Variants in LRRTM4 observed in about 807,000 individuals in gnomAD.
The protein encoded by LRRTM4 is leucine-rich repeat transmembrane neuronal protein 4.
A neutral mutation model predicts 47.6 loss-of-function variants in LRRTM4; 25 were observed. The observed-to-expected ratio is 0.53, with a 90% CI of 0.38 to 0.73. The LOEUF (loss-of-function observed/expected upper bound fraction) is 0.73. LRRTM4 is among the 30% of genes least tolerant of loss of function. The pLI, the probability that LRRTM4 is intolerant of heterozygous loss-of-function variation, is 0.00. For synonymous variants in LRRTM4, 311 were observed against 269.5 expected (o/e 1.15, Z -1.51); for missense variants, 638 against 713.4 (o/e 0.89, Z 1.20).
chr2:77,411,765 C>T (rs568282202), intron 3 of LRRTM4, among the ~76,000 whole-genome samples: 7 of 151,728 alleles, frequency 4.6e-5, no homozygotes, highest in African/African-American at 9.7e-5. Context: ...CCACCGCGCC[C>T]GGCCCCCAGG....
chr2:76,923,840 A>C (rs1674506966), intron 3 of LRRTM4, among the ~76,000 whole-genome samples: 1 of 152,082 alleles, frequency 6.6e-6, no homozygotes, highest in Non-Finnish European at 1.5e-5. Context: ...GTAAAACTTG[A>C]ATTAAGTATA....
At chr2:77,113,116 C>G (rs12997735) in intron 3 of LRRTM4, among the ~76,000 whole-genome samples, 61,167 of 151,822 alleles carry the variant, frequency 0.4, 13,566 homozygotes, top group Middle Eastern at 0.51. Context: ...GCATCAAAGC[C>G]TAATTGGGCA....
At chr2:77,367,057 G>A (rs75918839) in intron 3 of LRRTM4, among the ~76,000 whole-genome samples, 1 of 151,386 alleles carries the variant, frequency 6.6e-6, no homozygotes, top group African/African-American at 2.4e-5. Context: ...ATGCATACTG[G>A]CTATTTGTCA....
chr2:76,762,857 T>G (rs1573062586), intron 3 of LRRTM4, among the ~76,000 whole-genome samples: 1 of 152,170 alleles, frequency 6.6e-6, no homozygotes, highest in Admixed American at 6.5e-5. Flanking sequence ...AAAAACAGTG[T>G]TTATGTCATG....
chr2:77,442,097 T>A (rs952016510), intron 3 of LRRTM4, among the ~76,000 whole-genome samples: 2 of 152,112 alleles, frequency 1.3e-5, no homozygotes, highest in Non-Finnish European at 2.9e-5. Context: ...CAGCAGAATG[T>A]GGAAAGACAT....
chr2:77,086,409 A>AGT (rs111490311), intron 3 of LRRTM4, among the ~76,000 whole-genome samples: 18 of 150,716 alleles, frequency 1.2e-4, no homozygotes, highest in African/African-American at 3.7e-4. Flanking sequence ...AAACATTTTT[A>AGT]GTGTGTGTAT....
In LRRTM4 at chr2:77,013,774, T is replaced by C. The variant is rs1441245012; in HGVS notation, c.1552-264858A>G. 2.6e-5 allele frequency among the ~76,000 whole-genome samples: 4 copies of C among 152,286 alleles called. 1 individual carries two copies. In the East Asian group the frequency reaches 7.7e-4, roughly 30 times the overall value. ...TGTGTAAAGGGAGAAACAACTCAGATAAAATATTGAAATTTTTAAGAGTTA... is the reference window on the plus strand; with the variant it reads ...TGTGTAAAGGGAGAAACAACTCAGACAAAATATTGAAATTTTTAAGAGTTA... On this transcript the variant is annotated intron_variant, in intron 3 of 3. Coordinates refer to ENST00000409884, the MANE Select transcript of LRRTM4 (RefSeq NM_001134745.3).
chr2:76,866,497 AT>A (rs545042345), intron 3 of LRRTM4, among the ~76,000 whole-genome samples: 8 of 148,754 alleles, frequency 5.4e-5, no homozygotes, highest in South Asian at 4.3e-4. Context: ...TTGGCTCTTC[AT>A]TTTTTTTTTC....
intron 3 of LRRTM4, among the ~76,000 whole-genome samples, chr2:77,139,993 G>A (rs1452251922): frequency 6.6e-6 from 1 of 152,064 alleles, no homozygotes; most frequent in Non-Finnish European, 1.5e-5. Context: ...AAAAATCGAA[G>A]AACATTCCAT....
chr2:77,007,725 G>A (rs968103760), intron 3 of LRRTM4, among the ~76,000 whole-genome samples: 1 of 152,098 alleles, frequency 6.6e-6, no homozygotes, highest in Admixed American at 6.6e-5. Context: ...TTCTTGCAAT[G>A]GTTCGGTGGA....
chr2:77,117,517 C>T (rs930971124), intron 3 of LRRTM4, among the ~76,000 whole-genome samples: 12 of 151,196 alleles, frequency 7.9e-5, no homozygotes, highest in African/African-American at 2.7e-4. Flanking sequence ...TCTTACTTTT[C>T]TTTTTTTTCC....
intron 3 of LRRTM4, among the ~76,000 whole-genome samples, chr2:76,974,235 T>C (rs1409282334): frequency 7.1e-6 from 1 of 141,292 alleles, no homozygotes; most frequent in Non-Finnish European, 1.5e-5. Flanking sequence ...TACATATATA[T>C]ATATACATAT....
intron 3 of LRRTM4, among the ~76,000 whole-genome samples, chr2:77,178,074 G>A (rs1673247793): frequency 6.6e-6 from 1 of 152,152 alleles, no homozygotes; most frequent in African/African-American, 2.4e-5. Context: ...CATACAGCAA[G>A]TGCTCAAAAG....
chr2:76,856,812 A>T (rs1021522220), intron 3 of LRRTM4, among the ~76,000 whole-genome samples: 9 of 152,146 alleles, frequency 5.9e-5, no homozygotes, highest in African/African-American at 2.2e-4. Context: ...TGAAACAAAG[A>T]TACACAACAA....
chr2:77,460,580 A>G (rs1322393321), intron 3 of LRRTM4, among the ~76,000 whole-genome samples: 7 of 152,298 alleles, frequency 4.6e-5, no homozygotes, highest in South Asian at 4.1e-4. Flanking sequence ...ATGATGATCT[A>G]TATGGTTCAT....
intron 3 of LRRTM4, among the ~76,000 whole-genome samples, chr2:76,773,441 A>G (rs970587941): frequency 3.9e-5 from 6 of 152,236 alleles, no homozygotes; most frequent in African/African-American, 1.4e-4. Context: ...GACAAAACTC[A>G]TAACATTTCA....
At chr2:76,855,971 C>A (rs1046137971) in intron 3 of LRRTM4, among the ~76,000 whole-genome samples, 1 of 152,148 alleles carries the variant, frequency 6.6e-6, no homozygotes, top group Admixed American at 6.5e-5. Context: ...GTCAGTCACT[C>A]TGGCATTCAA....
At chr2:77,101,201 T>C (rs1428013583) in intron 3 of LRRTM4, among the ~76,000 whole-genome samples, 11 of 152,156 alleles carry the variant, frequency 7.2e-5, no homozygotes, top group Admixed American at 1.3e-4. Flanking sequence ...ATCATATGCA[T>C]AGAAGACATT....
chr2:76,968,961 G>T (rs1369936491), intron 3 of LRRTM4, among the ~76,000 whole-genome samples: 2 of 151,930 alleles, frequency 1.3e-5, no homozygotes, highest in African/African-American at 2.4e-5. Context: ...CAGTCATTTG[G>T]TCTTTGCTAA....
Sources: gnomAD v4.1 joint callset for allele counts (sites outside exome capture counted in the v4.1 genomes callset) on GRCh38, gnomAD v4.1.1 for gene constraint, MANE v1.5 for transcripts, NCBI Gene and HGNC (gene_info 2026-07-23, HGNC 2026-07-21) for gene names.